The following DPYD variants were observed in gnomAD, a reference collection of about 807,000 sequenced individuals.
DPYD encodes the protein dihydropyrimidine dehydrogenase.
In DPYD, 109 loss-of-function variants were observed where a neutral mutation model predicts 116.2. The ratio of observed to expected loss-of-function variants is 0.94; its 90% CI spans 0.80 to 1.10. DPYD has a LOEUF of 1.10. DPYD is among the 50% of genes least tolerant of loss of function. DPYD has a pLI of 0.00. For missense variants in DPYD, 1,302 were observed against 1,254.5 expected (o/e 1.04, Z -0.57); for synonymous variants, 440 against 432.0 (o/e 1.02, Z -0.23).
intron 18 of DPYD, among the ~76,000 whole-genome samples, chr1:97,280,734 G>A (rs1421591762): frequency 6.6e-6 from 1 of 152,168 alleles, no homozygotes; most frequent in African/African-American, 2.4e-5. Flanking sequence ...TTAAGAGACT[G>A]GGGAGGGGTA....
intron 18 of DPYD, among the ~76,000 whole-genome samples, chr1:97,270,082 A>T (rs1357445911): frequency 6.6e-6 from 1 of 152,214 alleles, no homozygotes; most frequent in African/African-American, 2.4e-5. Flanking sequence ...GCCTGGGGCC[A>T]TGTATGTTTC....
chr1:97,365,019 C>T (rs1024186076), intron 16 of DPYD, among the ~76,000 whole-genome samples: 2 of 152,116 alleles, frequency 1.3e-5, no homozygotes. Context: ...ATTTTAAGGT[C>T]TTTGTGAAGG....
At chr1:97,906,245 T>C (rs1673612138) in intron 1 of DPYD, among the ~76,000 whole-genome samples, 1 of 152,078 alleles carries the variant, frequency 6.6e-6, no homozygotes, top group South Asian at 2.1e-4. Flanking sequence ...TATGAATTTC[T>C]TTATCATTTA....
At chr1:97,901,310 A>G (rs889146351) in intron 1 of DPYD, among the ~76,000 whole-genome samples, 1 of 151,868 alleles carries the variant, frequency 6.6e-6, no homozygotes, top group Admixed American at 6.6e-5. Flanking sequence ...ATTGCTGCAT[A>G]TTCACTGTAA....
At chr1:97,277,162 T>C (rs1209080942) in intron 18 of DPYD, among the ~76,000 whole-genome samples, 1 of 151,942 alleles carries the variant, frequency 6.6e-6, no homozygotes, top group Non-Finnish European at 1.5e-5. Flanking sequence ...ACACTGGGTA[T>C]ACATGGACAT....
chr1:97,640,573 T>C (rs943663696), intron 8 of DPYD, among the ~76,000 whole-genome samples: 6 of 152,136 alleles, frequency 3.9e-5, no homozygotes, highest in African/African-American at 1.2e-4. Flanking sequence ...CCTCCCACAG[T>C]GCTGGGATTA....
intron 15 of DPYD, among the ~76,000 whole-genome samples, chr1:97,380,873 C>G (rs1004970483): frequency 4.6e-5 from 7 of 152,136 alleles, no homozygotes; most frequent in African/African-American, 1.7e-4. Flanking sequence ...ACTGATTCTA[C>G]AAAACGTTAT....
chr1:97,349,400 G>T (rs1670020350), intron 16 of DPYD, among the ~76,000 whole-genome samples: 1 of 151,624 alleles, frequency 6.6e-6, no homozygotes, highest in South Asian at 2.1e-4. Flanking sequence ...CAACGTGCAG[G>T]TTTGTTACAT....
chr1:97,342,088 AATTT>A (rs1669614647), intron 16 of DPYD, among the ~76,000 whole-genome samples: 1 of 152,228 alleles, frequency 6.6e-6, no homozygotes, highest in Admixed American at 6.5e-5. Context: ...TGAGTCAATG[AATTT>A]ATTTCAGAGA....
intron 3 of DPYD, among the ~76,000 whole-genome samples, chr1:97,746,747 A>G (rs1664579609): frequency 6.6e-6 from 1 of 152,116 alleles, no homozygotes; most frequent in Non-Finnish European, 1.5e-5. Flanking sequence ...GAATGAAAAG[A>G]GAACAGAGCC....
At chr1:97,820,950 A>G (rs547421393) in intron 3 of DPYD, among the ~76,000 whole-genome samples, 2 of 152,230 alleles carry the variant, frequency 1.3e-5, no homozygotes, top group South Asian at 4.1e-4. Flanking sequence ...AGTATATTCT[A>G]TATGTACCTC....
At chr1:97,526,628 T>G (rs1209970129) in intron 12 of DPYD, among the ~76,000 whole-genome samples, 1 of 152,182 alleles carries the variant, frequency 6.6e-6, no homozygotes, top group African/African-American at 2.4e-5. Flanking sequence ...AGATTCAGGC[T>G]TGGCCAATAT....
intron 19 of DPYD, among the ~76,000 whole-genome samples, chr1:97,228,206 T>C (rs920411008): frequency 2.0e-5 from 3 of 151,970 alleles, no homozygotes; most frequent in Admixed American, 6.5e-5. Flanking sequence ...GAATATATAG[T>C]AGGGTCTCAA....
intron 20 of DPYD, among the ~76,000 whole-genome samples, chr1:97,158,598 A>G (rs772269050): frequency 1.3e-5 from 2 of 151,344 alleles, no homozygotes; most frequent in African/African-American, 2.4e-5. Context: ...GAAGAAGGGA[A>G]TGACACTATT....
chr1:97,273,975 CTT>C (rs1275428639), intron 18 of DPYD, among the ~76,000 whole-genome samples: 1 of 152,122 alleles, frequency 6.6e-6, no homozygotes, highest in African/African-American at 2.4e-5. Flanking sequence ...GAAACATTTA[CTT>C]TTGAAGAAAG....
chr1:97,470,137 T>A (rs1222571398), intron 13 of DPYD, among the ~76,000 whole-genome samples: 1 of 152,170 alleles, frequency 6.6e-6, no homozygotes, highest in Non-Finnish European at 1.5e-5. Flanking sequence ...ACATTCCCCC[T>A]GCATTTTTCG....
At chr1:97,631,713 G>C (rs1053721922) in intron 8 of DPYD, among the ~76,000 whole-genome samples, 1 of 151,920 alleles carries the variant, frequency 6.6e-6, no homozygotes, top group Non-Finnish European at 1.5e-5. Context: ...TGAAAATAGA[G>C]TCTTCTTGAA....
intron 19 of DPYD, among the ~76,000 whole-genome samples, chr1:97,206,707 CAT>C (rs1659657217): frequency 9.4e-6 from 1 of 106,350 alleles, no homozygotes; most frequent in Non-Finnish European, 2.0e-5. Context: ...GCTTATAATG[CAT>C]ATGTGCGTAT....
At chr1:97,871,893 G>C (rs1671677586) in intron 2 of DPYD, among the ~76,000 whole-genome samples, 1 of 151,766 alleles carries the variant, frequency 6.6e-6, no homozygotes, top group Non-Finnish European at 1.5e-5. Flanking sequence ...ATAATGATAA[G>C]CAATAATACT....
Sources: allele counts gnomAD v4.1 joint callset (sites outside exome capture counted in the v4.1 genomes callset), GRCh38; gene constraint gnomAD v4.1.1; transcripts MANE v1.5; gene names NCBI Gene and HGNC (gene_info 2026-07-23, HGNC 2026-07-21).